The following SYNPR variants were observed in gnomAD, a reference collection of about 807,000 sequenced individuals.
SYNPR encodes the protein synaptoporin.
Under a neutral mutation model 32.9 loss-of-function variants are expected in SYNPR, and 23 were observed. The ratio of observed to expected loss-of-function variants is 0.70; its 90% CI spans 0.50 to 0.99. The LOEUF (loss-of-function observed/expected upper bound fraction) is 0.99. Among genes scored for constraint, SYNPR ranks in the 50% least tolerant of loss-of-function variants. SYNPR has a pLI of 0.00. For synonymous variants in SYNPR, 146 were observed against 135.9 expected, an observed-to-expected ratio of 1.07 and a Z score of -0.52; for missense variants, 318 against 349.3, an observed-to-expected ratio of 0.91 and a Z score of 0.71.
intron 2 of SYNPR, among the ~76,000 whole-genome samples, chr3:63,431,687 A>G (rs1699997409): frequency 6.6e-6 from 1 of 152,158 alleles, no homozygotes; most frequent in African/African-American, 2.4e-5. Flanking sequence ...AAAGAAAAAG[A>G]AAGTGTGAAC....
At chr3:63,486,485 T>A (rs1701153200) in intron 3 of SYNPR, among the ~76,000 whole-genome samples, 1 of 152,164 alleles carries the variant, frequency 6.6e-6, no homozygotes, top group Non-Finnish European at 1.5e-5. Context: ...CTTTTTTACC[T>A]TTTCTGTCTC....
intron 4 of SYNPR, among the ~76,000 whole-genome samples, chr3:63,607,052 C>T (rs1427910590): frequency 6.6e-6 from 1 of 152,166 alleles, no homozygotes; most frequent in African/African-American, 2.4e-5. Context: ...GAAAGGTCTT[C>T]ACATGACTAT....
At chr3:63,589,261 A>G (rs905245874) in intron 4 of SYNPR, among the ~76,000 whole-genome samples, 1 of 152,092 alleles carries the variant, frequency 6.6e-6, no homozygotes, top group African/African-American at 2.4e-5. Context: ...AGTACTCCCC[A>G]GATATTGTTT....
chr3:63,497,460 G>T (rs79706323), intron 3 of SYNPR, among the ~76,000 whole-genome samples: 2,511 of 151,814 alleles, frequency 0.017, 69 homozygotes, highest in African/African-American at 0.058. Context: ...GAAGGGACTT[G>T]TTCCTTCAAT....
chr3:63,430,407 C>T (rs1699971785), intron 2 of SYNPR, among the ~76,000 whole-genome samples: 1 of 151,690 alleles, frequency 6.6e-6, no homozygotes, highest in Non-Finnish European at 1.5e-5. Context: ...ACCTTATCCT[C>T]ATGGAAATTG....
intron 2 of SYNPR, among the ~76,000 whole-genome samples, chr3:63,407,698 G>A (rs964123206): frequency 6.6e-6 from 1 of 152,100 alleles, no homozygotes; most frequent in South Asian, 2.1e-4. Context: ...ATTCCCTTGA[G>A]AGGTGGATCC....
chr3:63,482,558 G>GTCTCCTAGAAACAA (rs1701069563), intron 3 of SYNPR, among the ~76,000 whole-genome samples: 1 of 152,082 alleles, frequency 6.6e-6, no homozygotes, highest in Admixed American at 6.5e-5. Context: ...GGAACCCTAG[G>GTCTCCTAGAAACAA]TCTCCTAGAA....
intron 1 of SYNPR, among the ~76,000 whole-genome samples, chr3:63,229,627 T>C (rs979652878): frequency 6.6e-6 from 1 of 152,180 alleles, no homozygotes; most frequent in Non-Finnish European, 1.5e-5. Context: ...TATGCCTTTA[T>C]CATTTACTGA....
the SYNPR span, among the ~76,000 whole-genome samples, chr3:63,209,598 C>T: frequency 1.3e-5 from 2 of 152,166 alleles, no homozygotes; most frequent in Non-Finnish European, 2.9e-5. Context: ...TTTGGTTTTA[C>T]CAGCATGTTC....
At chr3:63,362,376 T>G (rs1318194754) in intron 2 of SYNPR, among the ~76,000 whole-genome samples, 1 of 152,212 alleles carries the variant, frequency 6.6e-6, no homozygotes, top group Non-Finnish European at 1.5e-5. Flanking sequence ...AAGTTTTAAC[T>G]GTCTTTTTCT....
At chr3:63,401,071 C>T (rs1479778007) in intron 2 of SYNPR, among the ~76,000 whole-genome samples, 1 of 151,514 alleles carries the variant, frequency 6.6e-6, no homozygotes, top group Non-Finnish European at 1.5e-5. Flanking sequence ...AACAAGAGGA[C>T]CCAGCTCGAG....
intron 2 of SYNPR, among the ~76,000 whole-genome samples, chr3:63,337,118 G>C (rs1257547195): frequency 6.6e-6 from 1 of 150,860 alleles, no homozygotes; most frequent in Non-Finnish European, 1.5e-5. Flanking sequence ...TGTAATCCCA[G>C]CTACTTGGGA....
intron 2 of SYNPR, among the ~76,000 whole-genome samples, chr3:63,304,971 C>T (rs148686196): frequency 6.6e-5 from 10 of 152,012 alleles, no homozygotes; most frequent in Non-Finnish European, 1.2e-4. Flanking sequence ...TATATTCTGT[C>T]GGAGCCTCAG....
At chr3:63,406,897 G>T (rs1379586182) in intron 2 of SYNPR, among the ~76,000 whole-genome samples, 3 of 152,168 alleles carry the variant, frequency 2.0e-5, no homozygotes, top group Non-Finnish European at 4.4e-5. Flanking sequence ...TGATAGAATA[G>T]ATTTGGTGCC....
At chr3:63,457,164 A>T (rs1300452220) in intron 2 of SYNPR, among the ~76,000 whole-genome samples, 2 of 152,088 alleles carry the variant, frequency 1.3e-5, no homozygotes, top group Admixed American at 1.3e-4. Context: ...GCCACGATGC[A>T]TACTTAAAAT....
chr3:63,382,636 G>A (rs926304048), intron 2 of SYNPR, among the ~76,000 whole-genome samples: 2 of 152,136 alleles, frequency 1.3e-5, no homozygotes, highest in African/African-American at 4.8e-5. Context: ...GAAATCTCGG[G>A]GAACACACCA....
chr3:63,351,011 C>G (rs775495130), intron 2 of SYNPR, among the ~76,000 whole-genome samples: 1 of 152,160 alleles, frequency 6.6e-6, no homozygotes, highest in African/African-American at 2.4e-5. Flanking sequence ...TGACTGTGTG[C>G]CCCTTATCAG....
intron 2 of SYNPR, among the ~76,000 whole-genome samples, chr3:63,442,219 G>GAC (rs1180173376): frequency 1.3e-5 from 2 of 150,186 alleles, no homozygotes; most frequent in African/African-American, 4.9e-5. Flanking sequence ...GAAGGAGACA[G>GAC]AGATACAAAG....
intron 2 of SYNPR, among the ~76,000 whole-genome samples, chr3:63,310,464 A>G (rs2106952199): frequency 1.3e-5 from 2 of 152,078 alleles, no homozygotes; most frequent in African/African-American, 4.8e-5. Flanking sequence ...AAAATTGGAA[A>G]TCTCATACTT....
Sources: gnomAD v4.1 joint callset for allele counts (sites outside exome capture counted in the v4.1 genomes callset) on GRCh38, gnomAD v4.1.1 for gene constraint, MANE v1.5 for transcripts, NCBI Gene and HGNC (gene_info 2026-07-23, HGNC 2026-07-21) for gene names.